The following EVA1A variants were observed in gnomAD, a reference collection of about 807,000 sequenced individuals.
EVA1A encodes the protein eva-1 homolog A, regulator of programmed cell death.
EVA1A carries 7 observed loss-of-function variants against 9.8 expected under a neutral mutation model. The observed-to-expected ratio is 0.71, with a 90% CI of 0.41 to 1.34. EVA1A has a LOEUF of 1.34. EVA1A is among the 40% of genes most tolerant of loss of function. The pLI is 0.01. For synonymous variants in EVA1A, 90 were observed against 85.6 expected (o/e 1.05, Z -0.28); for missense variants, 206 against 205.9 (o/e 1.00, Z 0.00).
At chr2:75,559,973 C>G (rs1676865037) in intron 1 of EVA1A, among the ~76,000 whole-genome samples, 1 of 152,180 alleles carries the variant, frequency 6.6e-6, no homozygotes, top group African/African-American at 2.4e-5. Context: ...TCCTCTCCTT[C>G]CAGGACATCC....
At position 75,560,355 on chromosome 2, in the gene EVA1A, G is replaced by T. The variant is rs1158615942; in HGVS notation, c.-192+325C>A. 2.0e-5 allele frequency among the ~76,000 whole-genome samples: 3 copies of T among 152,212 alleles called. No homozygotes were observed. In the East Asian group the frequency reaches 5.8e-4, roughly 29 times the overall value. On this transcript the variant is annotated intron_variant, in intron 1 of 3. Coordinates refer to ENST00000393913, the MANE Select transcript of EVA1A (RefSeq NM_001135032.2). Reference sequence around the variant, plus strand: ...GCTCCCAGAGGCACAGGAGAGAAGCGCTAGATTTGGGAACGACCTGCTTTC... The same window carrying T: ...GCTCCCAGAGGCACAGGAGAGAAGCTCTAGATTTGGGAACGACCTGCTTTC...
intron 3 of EVA1A, among the ~76,000 whole-genome samples, chr2:75,515,120 C>T (rs1042517240): frequency 6.6e-6 from 1 of 152,074 alleles, no homozygotes; most frequent in African/African-American, 2.4e-5. Flanking sequence ...ACTGTTGATT[C>T]TTGTTTTTTG....
chr2:75,568,376 A>G (rs1372799575), intron 1 of EVA1A, among the ~76,000 whole-genome samples: 2 of 150,202 alleles, frequency 1.3e-5, no homozygotes, highest in Non-Finnish European at 3.0e-5. Flanking sequence ...AATATTAAGT[A>G]ATAATTATTA....
chr2:75,546,376 A>G (rs1676328164), intron 1 of EVA1A, among the ~76,000 whole-genome samples: 1 of 152,196 alleles, frequency 6.6e-6, no homozygotes, highest in South Asian at 2.1e-4. Flanking sequence ...TGAATGAATG[A>G]GCAAAGTGCC....
At chr2:75,542,000 G>C (rs112987862) in intron 1 of EVA1A, 2 of 152,204 alleles carry the variant, frequency 1.3e-5, no homozygotes, top group African/African-American at 4.8e-5. Context: ...TTATGGGAGG[G>C]ACCTGGTGGG....
At chr2:75,508,389 T>C (rs1018938472) in intron 3 of EVA1A, among the ~76,000 whole-genome samples, 8 of 152,158 alleles carry the variant, frequency 5.3e-5, no homozygotes, top group Non-Finnish European at 7.4e-5. Flanking sequence ...AATACATGCC[T>C]GGGGGTATGG....
chr2:75,566,060 CT>C (rs1338277347), intron 1 of EVA1A, among the ~76,000 whole-genome samples: 1 of 152,096 alleles, frequency 6.6e-6, no homozygotes, highest in African/African-American at 2.4e-5. Context: ...AGTAATGGGA[CT>C]TCTGTTAAGG....
At chr2:75,514,599 T>C (rs1003971586) in intron 3 of EVA1A, among the ~76,000 whole-genome samples, 8 of 152,136 alleles carry the variant, frequency 5.3e-5, no homozygotes, top group African/African-American at 1.9e-4. Context: ...TACAAAAATG[T>C]GGTTACCTAT....
chr2:75,560,852 G>GGGCTGGCCTGGGGATGTGGGGTCCC lies in EVA1A; in HGVS notation c.-389_-365dup. 1 of 153,156 alleles carries GGGCTGGCCTGGGGATGTGGGGTCCC rather than the reference G, an allele frequency of 6.5e-6. No homozygotes were observed. The highest frequency in any genetic ancestry group is 3.3e-3 in the Middle Eastern group (1 of 302). The allele number at this position is 153,156 out of a possible 1,614,324, so 9.5% of individuals were successfully genotyped here. ...CCCGGCGGAGGGGCCGCCGGGGTCA[G>GGGCTGGCCTGGGGATGTGGGGTCCC]GGCTGGCCTGGGGATGTGGGGTCCC... On this transcript the variant is annotated 5_prime_UTR_variant, in exon 1 of 4. Coordinates refer to ENST00000393913, the MANE Select transcript of EVA1A (RefSeq NM_001135032.2).
At chr2:75,553,755 G>A (rs1676606743) in intron 1 of EVA1A, among the ~76,000 whole-genome samples, 1 of 152,178 alleles carries the variant, frequency 6.6e-6, no homozygotes, top group Non-Finnish European at 1.5e-5. Context: ...ATGCAGCAGG[G>A]TCTAACACTG....
At chr2:75,553,357 A>G (rs1324045200) in intron 1 of EVA1A, among the ~76,000 whole-genome samples, 2 of 152,246 alleles carry the variant, frequency 1.3e-5, no homozygotes, top group African/African-American at 2.4e-5. Context: ...GCCAGTTTAC[A>G]GTAGGCTCTG....
At chr2:75,539,065 A>T (rs1676020019) in intron 1 of EVA1A, among the ~76,000 whole-genome samples, 1 of 152,206 alleles carries the variant, frequency 6.6e-6, no homozygotes, top group South Asian at 2.1e-4. Flanking sequence ...TTATCTCCAA[A>T]AAAAGTCTAA....
At chr2:75,534,354 A>C (rs1043865968) in intron 1 of EVA1A, among the ~76,000 whole-genome samples, 3 of 152,200 alleles carry the variant, frequency 2.0e-5, no homozygotes, top group African/African-American at 7.2e-5. Context: ...TTTATATTTC[A>C]CTCAAACTGG....
chr2:75,548,338 T>C (rs1300116328), intron 1 of EVA1A, among the ~76,000 whole-genome samples: 1 of 152,168 alleles, frequency 6.6e-6, no homozygotes, highest in Non-Finnish European at 1.5e-5. Flanking sequence ...TTTTGCCATG[T>C]TGGCCTGGCT....
At chr2:75,517,997 G>A in intron 3 of EVA1A, 59 bp downstream of exon 3, 9 of 1,602,672 alleles carry the variant, frequency 5.6e-6, no homozygotes, top group Non-Finnish European at 6.0e-6. Flanking sequence ...CCACCCAGGA[G>A]ACAACCTTGG....
chr2:75,565,257 A>C (rs1010890564), upstream of EVA1A, among the ~76,000 whole-genome samples: 2 of 152,214 alleles, frequency 1.3e-5, no homozygotes, highest in African/African-American at 4.8e-5. Context: ...GACCAATTGA[A>C]TCAGAATCTC....
chr2:75,535,709 C>T (rs528518154), intron 1 of EVA1A, among the ~76,000 whole-genome samples: 1 of 152,274 alleles, frequency 6.6e-6, no homozygotes, highest in East Asian at 1.9e-4. Context: ...CATGTGTTCT[C>T]TTACAAGTAG....
At chr2:75,519,689 A>G (rs1675167442) in intron 2 of EVA1A, among the ~76,000 whole-genome samples, 1 of 152,212 alleles carries the variant, frequency 6.6e-6, no homozygotes, top group Non-Finnish European at 1.5e-5. Context: ...GTGAATGGTG[A>G]GAGCCATCAA....
rs147387671 is a variant in EVA1A at position 75,538,958 on chromosome 2, T to C, written c.-191-16471A>G. On this transcript the variant is annotated intron_variant, in intron 1 of 3. Coordinates refer to ENST00000393913, the MANE Select transcript of EVA1A (RefSeq NM_001135032.2). ...AATGTCAACATCCCGGTTGTGATAT[T>C]GTAGCACAGTTTTGCACGATGTCAT... 2.2e-3 allele frequency among the ~76,000 whole-genome samples: 328 copies of C among 152,338 alleles called. 2 individuals are homozygous for C. Among genetic ancestry groups the C allele is most frequent in the African/African-American group, 7.0e-3 (291 of 41,576 alleles).
Sources: gnomAD v4.1 joint callset for allele counts (sites outside exome capture counted in the v4.1 genomes callset) on GRCh38, gnomAD v4.1.1 for gene constraint, MANE v1.5 for transcripts, NCBI Gene and HGNC (gene_info 2026-07-23, HGNC 2026-07-21) for gene names.